The following GATB variants were observed in gnomAD, a reference collection of about 807,000 sequenced individuals.
The protein encoded by GATB is glutamyl-tRNA amidotransferase subunit B, also known as glutamyl-tRNA(Gln) amidotransferase subunit B, mitochondrial.
In GATB, 39 loss-of-function variants were observed where a neutral mutation model predicts 62.3. The observed-to-expected ratio is 0.63, with a 90% CI of 0.48 to 0.82. The LOEUF is 0.82. GATB is among the 40% of genes least tolerant of loss of function. The probability of loss-of-function intolerance (pLI) is 0.00; values close to 1 mark genes in which losing one functional copy is unlikely to be tolerated. For synonymous variants in GATB, 276 were observed against 258.9 expected (o/e 1.07, Z -0.63); for missense variants, 670 against 684.0 (o/e 0.98, Z 0.23).
At chr4:151,742,753 A>C (rs1219608240) in intron 2 of GATB, among the ~76,000 whole-genome samples, 2 of 152,196 alleles carry the variant, frequency 1.3e-5, no homozygotes, top group Non-Finnish European at 2.9e-5. Context: ...CACTCTCAAC[A>C]AGATCCCACA....
At position 151,697,935 on chromosome 4, in the gene GATB, ATATGTGTGTG is replaced by A. The variant is rs1326710563; in HGVS notation, c.1197+3384_1197+3393del. Among the ~76,000 whole-genome samples the A allele has an allele frequency of 1.4e-3, 106 of 74,672 alleles. 6 individuals are homozygous for A. Among genetic ancestry groups the A allele is most frequent in the African/African-American group, 8.3e-3 (100 of 12,094 alleles). The allele number at this position is 74,672 out of a possible 152,430, so 49.0% of individuals were successfully genotyped here. On this transcript the variant is annotated intron_variant, in intron 9 of 12. Coordinates refer to ENST00000263985, the MANE Select transcript of GATB (RefSeq NM_004564.3). ...AAACAAACAAAAATCGATTTCATAT[ATATGTGTGTG>A]TGTGTGTGTATATATATATATATAT...
At chr4:151,690,786 G>A (rs1738349469) in intron 9 of GATB, among the ~76,000 whole-genome samples, 1 of 152,162 alleles carries the variant, frequency 6.6e-6, no homozygotes, top group Non-Finnish European at 1.5e-5. Context: ...AAGCCTCTCT[G>A]AGCTGGAACT....
chr4:151,699,299 G>A (rs1332343942), intron 9 of GATB, among the ~76,000 whole-genome samples: 1 of 151,776 alleles, frequency 6.6e-6, no homozygotes, highest in Non-Finnish European at 1.5e-5. Context: ...TGAGGTGGGA[G>A]GATGTCTTGA....
chr4:151,690,383 C>G (rs1560844882), intron 9 of GATB, among the ~76,000 whole-genome samples: 1 of 152,264 alleles, frequency 6.6e-6, no homozygotes, highest in Admixed American at 6.5e-5. Flanking sequence ...CTCGGCAGCC[C>G]AAGCTTGACT....
intron 10 of GATB, among the ~76,000 whole-genome samples, chr4:151,682,659 G>A (rs1738165766): frequency 2.0e-5 from 3 of 151,950 alleles, no homozygotes; most frequent in Non-Finnish European, 4.4e-5. Context: ...TTGGATGAGA[G>A]CAGACAACGC....
intron 2 of GATB, among the ~76,000 whole-genome samples, chr4:151,728,692 C>A (rs1406276581): frequency 6.6e-6 from 1 of 152,168 alleles, no homozygotes; most frequent in Non-Finnish European, 1.5e-5. Flanking sequence ...ATCACTGAAA[C>A]CTCAAGAGGA....
intron 4 of GATB, among the ~76,000 whole-genome samples, 196 bp downstream of exon 4, chr4:151,716,680 A>C (rs1738918881): frequency 6.6e-6 from 1 of 152,146 alleles, no homozygotes. Context: ...GTTATTAGCA[A>C]GCCTAATAAT....
chr4:151,680,088 T>C (rs894948018), intron 10 of GATB, among the ~76,000 whole-genome samples, 197 bp from the exon 11 acceptor site: 3 of 152,172 alleles, frequency 2.0e-5, no homozygotes, highest in Non-Finnish European at 4.4e-5. Flanking sequence ...CAAATTTTTG[T>C]GACTAGTGTT....
At chr4:151,715,885 G>A in intron 5 of GATB, 124 bp downstream of exon 5, 1 of 1,146,240 alleles carries the variant, frequency 8.7e-7, no homozygotes, top group South Asian at 2.2e-5. Flanking sequence ...GGTTGCAAAA[G>A]GCTGGGGAAA....
At position 151,703,898 on chromosome 4, in the gene GATB, G is replaced by A. The variant is rs1341170358; in HGVS notation, c.963-3C>T. The stretch of plus-strand genomic sequence containing the variant: ...TGTCTCTCATTGACATGGTGCACCT[G>A]CAATAGTTAAATAAGAAAACATTAA... On this transcript the variant is annotated splice_polypyrimidine_tract_variant and splice_region_variant and intron_variant, in intron 7 of 12. Transcript: ENST00000263985. 14 of 1,601,368 alleles carry A rather than the reference G, an allele frequency of 8.7e-6. No individual in the cohort carries two copies. Among genetic ancestry groups the A allele is most frequent in the Non-Finnish European group, 1.2e-5 (14 of 1,168,804 alleles).
intron 2 of GATB, chr4:151,722,028 A>C: frequency 1.7e-6 from 1 of 594,550 alleles, no homozygotes; most frequent in Non-Finnish European, 3.0e-6. Flanking sequence ...AATTATAAGC[A>C]TCAGTCATCA....
At chr4:151,715,378 G>C (rs1460508821) in intron 5 of GATB, among the ~76,000 whole-genome samples, 1 of 152,204 alleles carries the variant, frequency 6.6e-6, no homozygotes, top group South Asian at 2.1e-4. Context: ...AGGATACCTA[G>C]AGCCATGAGG....
intron 5 of GATB, among the ~76,000 whole-genome samples, chr4:151,708,596 G>T (rs998238085): frequency 6.6e-6 from 1 of 152,174 alleles, no homozygotes; most frequent in Non-Finnish European, 1.5e-5. Context: ...GAGAGTCCTT[G>T]AGAATTTGCA....
At chr4:151,713,325 G>GC (rs914759421) in intron 5 of GATB, among the ~76,000 whole-genome samples, 2 of 152,176 alleles carry the variant, frequency 1.3e-5, no homozygotes, top group African/African-American at 2.4e-5. Context: ...CCCGCCTTCG[G>GC]CCCCCCAAGT....
rs547506410 is a variant in GATB, at chr4:151,689,750, G to A, written c.1198-987C>T. On this transcript the variant is annotated intron_variant, in intron 9 of 12. Coordinates refer to ENST00000263985, the MANE Select transcript of GATB (RefSeq NM_004564.3). Reference sequence around the variant, plus strand: ...GTGTTGGAAATCACACATGAGGCGCGCATTCTTATCATACCATGTTCACCT... The same window carrying A: ...GTGTTGGAAATCACACATGAGGCGCACATTCTTATCATACCATGTTCACCT... Among the ~76,000 whole-genome samples the A allele has an allele frequency of 1.5e-3, 233 of 152,226 alleles. 1 individual carries two copies. Among genetic ancestry groups the A allele is most frequent in the Non-Finnish European group, 2.1e-3 (146 of 68,020 alleles).
chr4:151,721,972 A>C (rs1739040887), intron 2 of GATB: 1 of 562,704 alleles, frequency 1.8e-6, no homozygotes, highest in African/African-American at 1.9e-5. Flanking sequence ...AATATGCTTT[A>C]ATCTTTTTTT....
At chr4:151,686,499 C>T (rs953698773) in intron 10 of GATB, among the ~76,000 whole-genome samples, 5 of 151,990 alleles carry the variant, frequency 3.3e-5, no homozygotes, top group African/African-American at 1.2e-4. Flanking sequence ...AGCCTGGGCT[C>T]CCCCTGCCCC....
chr4:151,679,429 G>A lies in GATB; in HGVS notation c.1410+384C>T, dbSNP rs529382367. On this transcript the variant is annotated intron_variant, in intron 11 of 12. Transcript: ENST00000263985. Reference sequence around the variant, plus strand: ...CATGCAGCAGGGACAAGGGAGCCCTGGGACTGGCTGGGAGGCGGTGTGGGG... The same window carrying A: ...CATGCAGCAGGGACAAGGGAGCCCTAGGACTGGCTGGGAGGCGGTGTGGGG... Among the ~76,000 whole-genome samples, 11 of 152,316 alleles carry A rather than the reference G, an allele frequency of 7.2e-5. No homozygotes were observed. In the East Asian group the frequency reaches 1.9e-3, roughly 27 times the overall value.
intron 2 of GATB, 109 bp from the exon 3 acceptor site, chr4:151,719,647 T>C: frequency 1.6e-6 from 1 of 642,528 alleles, no homozygotes; most frequent in Admixed American, 3.3e-5. Flanking sequence ...CAACAGGCAT[T>C]ATCTCTGGTT....
Sources: allele counts gnomAD v4.1 joint callset (sites outside exome capture counted in the v4.1 genomes callset), GRCh38; gene constraint gnomAD v4.1.1; transcripts MANE v1.5; gene names NCBI Gene and HGNC (gene_info 2026-07-23, HGNC 2026-07-21).